Variants in PARP8 observed in about 807,000 individuals in gnomAD.
PARP8 encodes the protein protein mono-ADP-ribosyltransferase PARP8.
In PARP8, 51 loss-of-function variants were observed where a neutral mutation model predicts 124.1. That is an observed-to-expected ratio of 0.41 (90% CI 0.33 to 0.52). The LOEUF (loss-of-function observed/expected upper bound fraction) is 0.52. Ranked by LOEUF, PARP8 falls within the 20% of genes least tolerant of loss-of-function variation. The pLI, the probability that PARP8 is intolerant of heterozygous loss-of-function variation, is 0.21. For missense variants in PARP8, 860 were observed against 1,018.9 expected (o/e 0.84, Z 2.12); for synonymous variants, 391 against 361.5 (o/e 1.08, Z -0.93).
chr5:50,686,853 C>G (rs1019535502), intron 2 of PARP8, among the ~76,000 whole-genome samples: 4 of 152,218 alleles, frequency 2.6e-5, no homozygotes, highest in Admixed American at 2.6e-4. Flanking sequence ...CATGGAGTCC[C>G]TAGGCTGCAC....
chr5:50,834,737 A>G (rs930507419), intron 24 of PARP8, 194 bp from the exon 25 acceptor site: 4 of 599,324 alleles, frequency 6.7e-6, no homozygotes, highest in African/African-American at 1.9e-5. Context: ...TATTCAAATT[A>G]TAAAGTTGTT....
chr5:50,792,544 T>C (rs781380709), intron 10 of PARP8, among the ~76,000 whole-genome samples: 1 of 151,986 alleles, frequency 6.6e-6, no homozygotes, highest in Non-Finnish European at 1.5e-5. Context: ...TCTTAAAGAA[T>C]GGTGCACAGG....
chr5:50,684,201 G>A (rs1372221344), intron 2 of PARP8, among the ~76,000 whole-genome samples: 1 of 152,078 alleles, frequency 6.6e-6, no homozygotes, highest in East Asian at 1.9e-4. Flanking sequence ...TTCTCTTTGG[G>A]TTTGAAAAGA....
intron 2 of PARP8, among the ~76,000 whole-genome samples, chr5:50,709,955 T>TATATATATAC (rs149858890): frequency 1.9e-5 from 2 of 103,322 alleles, no homozygotes; most frequent in African/African-American, 6.8e-5. Flanking sequence ...TATATATATA[T>TATATATATAC]ACACATACAT....
At chr5:50,677,285 A>G (rs1750740034) in intron 2 of PARP8, among the ~76,000 whole-genome samples, 1 of 150,272 alleles carries the variant, frequency 6.7e-6, no homozygotes, top group African/African-American at 2.5e-5. Context: ...ATCATTTCTC[A>G]TTAAAATGCA....
intron 2 of PARP8, chr5:50,745,112 C>T (rs957242168): frequency 2.9e-5 from 6 of 208,418 alleles, no homozygotes; most frequent in Non-Finnish European, 5.8e-5. Context: ...AAAATGCTGT[C>T]GCACAAGGGG....
chr5:50,845,922 C>A lies in PARP8; in HGVS notation c.*3854C>A, dbSNP rs550391769. The A allele has an allele frequency of 1.2e-3, 181 of 151,758 alleles. 1 individual carries two copies. Among genetic ancestry groups the A allele is most frequent in the African/African-American group, 4.1e-3 (168 of 41,472 alleles). 9.4% of individuals were successfully genotyped at this position (151,758 alleles called of 1,614,324 possible). A position where few individuals can be genotyped will look rare whatever the true frequency, so the allele number is the denominator to read the frequency against. The stretch of plus-strand genomic sequence containing the variant: ...TATATAGATTTGATGTATATTATTA[C>A]CCAGTAAATTCTTCTTGGGAATTTT... On this transcript the variant is annotated 3_prime_UTR_variant, in exon 26 of 26. Coordinates refer to ENST00000281631, the MANE Select transcript of PARP8 (RefSeq NM_024615.4).
At chr5:50,743,610 A>G (rs768597861) in intron 2 of PARP8, among the ~76,000 whole-genome samples, 1 of 152,086 alleles carries the variant, frequency 6.6e-6, no homozygotes, top group African/African-American at 2.4e-5. Flanking sequence ...TCAGGTTTCA[A>G]CTGCTGACTT....
At chr5:50,690,930 T>G (rs1561249950) in intron 2 of PARP8, among the ~76,000 whole-genome samples, 1 of 152,192 alleles carries the variant, frequency 6.6e-6, no homozygotes, top group Non-Finnish European at 1.5e-5. Context: ...AATTTCTTAT[T>G]TCTCTACCTT....
intron 2 of PARP8, among the ~76,000 whole-genome samples, chr5:50,745,665 A>G (rs1335531040): frequency 6.6e-6 from 1 of 152,208 alleles, no homozygotes; most frequent in Non-Finnish European, 1.5e-5. Flanking sequence ...ATTGATTTAG[A>G]TGAAAAATGA....
intron 2 of PARP8, among the ~76,000 whole-genome samples, chr5:50,726,797 T>G (rs1756473499): frequency 6.6e-6 from 1 of 152,106 alleles, no homozygotes; most frequent in South Asian, 2.1e-4. Flanking sequence ...TCTGTCCTCA[T>G]GCTACAGGCC....
At chr5:50,689,563 A>G (rs1752265242) in intron 2 of PARP8, among the ~76,000 whole-genome samples, 1 of 152,166 alleles carries the variant, frequency 6.6e-6, no homozygotes, top group Admixed American at 6.5e-5. Flanking sequence ...AAAGTGACAC[A>G]CATTGCTTCC....
chr5:50,769,823 A>T (rs1761423031), intron 7 of PARP8, among the ~76,000 whole-genome samples: 1 of 152,076 alleles, frequency 6.6e-6, no homozygotes, highest in Admixed American at 6.5e-5. Context: ...AATCATCTCC[A>T]TATTGTGATA....
intron 9 of PARP8, 140 bp from the exon 10 acceptor site, chr5:50,788,382 AT>A: frequency 1.7e-6 from 1 of 587,170 alleles, no homozygotes; most frequent in Admixed American, 3.1e-5. Context: ...CATAAATAGC[AT>A]TGTTTAGGAC....
At chr5:50,690,481 G>T (rs1363269912) in intron 2 of PARP8, among the ~76,000 whole-genome samples, 2 of 152,036 alleles carry the variant, frequency 1.3e-5, no homozygotes, top group Non-Finnish European at 2.9e-5. Flanking sequence ...CCAAACTCTT[G>T]GTTATTCTCC....
chr5:50,739,732 A>ATTTTT (rs1230937798), intron 2 of PARP8, among the ~76,000 whole-genome samples: 1 of 44,186 alleles, frequency 2.3e-5, no homozygotes, highest in African/African-American at 7.7e-5. Context: ...ATATATATAT[A>ATTTTT]TTTTTTTTTT....
At chr5:50,782,923 A>G (rs578069362) in intron 9 of PARP8, among the ~76,000 whole-genome samples, 2 of 152,208 alleles carry the variant, frequency 1.3e-5, no homozygotes, top group Non-Finnish European at 2.9e-5. Context: ...GATGACCGCA[A>G]GAGATCACTA....
At chr5:50,787,441 A>T (rs1001210488) in intron 9 of PARP8, among the ~76,000 whole-genome samples, 2 of 151,936 alleles carry the variant, frequency 1.3e-5, no homozygotes, top group African/African-American at 4.8e-5. Context: ...TGGCTGGGAC[A>T]TTTTTTTCCT....
intron 2 of PARP8, among the ~76,000 whole-genome samples, chr5:50,725,079 A>ATATATATATATACACATATGTG (rs1307845178): frequency 1.1e-3 from 2 of 1,814 alleles, no homozygotes; most frequent in Non-Finnish European, 2.7e-3. Context: ...GTGTATGTGT[A>ATATATATATATACACATATGTG]TATATATATA....
Sources: gnomAD v4.1 joint callset for allele counts (sites outside exome capture counted in the v4.1 genomes callset) on GRCh38, gnomAD v4.1.1 for gene constraint, MANE v1.5 for transcripts, NCBI Gene and HGNC (gene_info 2026-07-23, HGNC 2026-07-21) for gene names.